Variants in TSHZ2 observed in about 807,000 individuals in gnomAD.
TSHZ2 encodes teashirt homolog 2.
In TSHZ2, 21 loss-of-function variants were observed where a neutral mutation model predicts 74.4. The ratio of observed to expected loss-of-function variants is 0.28; its 90% CI spans 0.20 to 0.41. The LOEUF (loss-of-function observed/expected upper bound fraction) is 0.41, where lower values mean the gene tolerates loss of function less well. Ranked by LOEUF, TSHZ2 falls within the 10% of genes least tolerant of loss-of-function variation. The pLI, the probability that TSHZ2 is intolerant of heterozygous loss-of-function variation, is 1.00. For synonymous variants in TSHZ2, 540 were observed against 515.3 expected (o/e 1.05, Z -0.65); for missense variants, 1,244 against 1,293.5 (o/e 0.96, Z 0.59).
At chr20:53,167,108 G>C (rs1988081728) in intron 1 of TSHZ2, among the ~76,000 whole-genome samples, 1 of 152,166 alleles carries the variant, frequency 6.6e-6, no homozygotes, top group Non-Finnish European at 1.5e-5. Flanking sequence ...CCTGGGGTGA[G>C]AATGAGTTGG....
intron 1 of TSHZ2, among the ~76,000 whole-genome samples, chr20:52,999,785 A>T (rs1982345841): frequency 6.6e-6 from 1 of 152,156 alleles, no homozygotes; most frequent in Admixed American, 6.5e-5. Flanking sequence ...GTGTGTTTTT[A>T]AAAAATCCTA....
In TSHZ2 at chr20:53,334,286, G is replaced by A. The variant is rs181900510; in HGVS notation, c.*8+77715G>A. Among the ~76,000 whole-genome samples the A allele has an allele frequency of 1.2e-3, 177 of 152,336 alleles. 1 individual carries two copies. Among genetic ancestry groups the A allele is most frequent in the African/African-American group, 4.2e-3 (176 of 41,578 alleles). On this transcript the variant is annotated intron_variant, in intron 2 of 2. Transcript: ENST00000371497. ...GGGTTAGGGGAGGTCAAGGGATACA[G>A]TGTTTCCCAGGATGGTTGGAGAGGG...
chr20:53,065,304 G>A (rs1202695970), intron 1 of TSHZ2, among the ~76,000 whole-genome samples: 1 of 152,158 alleles, frequency 6.6e-6, no homozygotes, highest in Non-Finnish European at 1.5e-5. Flanking sequence ...TGTATGCTCT[G>A]AGACTTTGGA....
chr20:53,214,874 TGAGAG>T (rs1237931101), intron 1 of TSHZ2, among the ~76,000 whole-genome samples: 1 of 152,066 alleles, frequency 6.6e-6, no homozygotes, highest in African/African-American at 2.4e-5. Context: ...CCCGTAAACC[TGAGAG>T]GAGAGTGTCA....
intron 2 of TSHZ2, among the ~76,000 whole-genome samples, chr20:53,274,007 G>T (rs117259369): frequency 0.018 from 2,755 of 152,272 alleles, 27 homozygotes; most frequent in Non-Finnish European, 0.028. Flanking sequence ...GTGGCCGGGC[G>T]CAGTGACTCA....
intron 1 of TSHZ2, among the ~76,000 whole-genome samples, chr20:53,026,666 A>G (rs956798829): frequency 6.6e-6 from 1 of 152,328 alleles, no homozygotes; most frequent in South Asian, 2.1e-4. Context: ...ACATCCACAC[A>G]TGGTATGCTG....
intron 2 of TSHZ2, among the ~76,000 whole-genome samples, chr20:53,436,545 ATTATTT>A (rs1478005795): frequency 9.8e-6 from 1 of 101,986 alleles, no homozygotes; most frequent in Non-Finnish European, 1.8e-5. Context: ...TATTATTATT[ATTATTT>A]TTTTTTTTTT....
chr20:53,052,711 G>A (rs1439537200), intron 1 of TSHZ2, among the ~76,000 whole-genome samples: 2 of 152,094 alleles, frequency 1.3e-5, no homozygotes, highest in Non-Finnish European at 2.9e-5. Context: ...GGACACATGG[G>A]TTACTTCCAC....
intron 1 of TSHZ2, among the ~76,000 whole-genome samples, chr20:53,009,616 A>C (rs888681341): frequency 8.5e-5 from 13 of 152,222 alleles, no homozygotes; most frequent in African/African-American, 3.1e-4. Context: ...AGTAGGGACT[A>C]CTGTAAAAAG....
intron 1 of TSHZ2, among the ~76,000 whole-genome samples, chr20:53,007,743 T>C (rs1982699411): frequency 1.3e-5 from 2 of 151,654 alleles, no homozygotes; most frequent in Non-Finnish European, 2.9e-5. Context: ...TATTCGTGTG[T>C]GTGTGTGTGT....
chr20:53,443,000 C>T (rs1984398024), intron 2 of TSHZ2, among the ~76,000 whole-genome samples: 1 of 152,184 alleles, frequency 6.6e-6, no homozygotes, highest in African/African-American at 2.4e-5. Flanking sequence ...ATAGCATGTC[C>T]TCGTTTCTAT....
chr20:52,981,590 G>T (rs1305134312), intron 1 of TSHZ2, among the ~76,000 whole-genome samples: 1 of 152,144 alleles, frequency 6.6e-6, no homozygotes, highest in Non-Finnish European at 1.5e-5. Context: ...AGAACAAGGG[G>T]TCCAGGGCTT....
Position 53,253,904 on chromosome 20 carries a change from A to G in TSHZ2, c.446A>G (p.Asn149Ser). Residue 149 changes from asparagine to serine, a missense_variant, in exon 2 of 3, where the codon AAT becomes AGT. This residue lies in a region of TSHZ2 where 470 missense variants were observed against 456.5 expected (regional missense o/e 1.03). Coordinates refer to ENST00000371497, the MANE Select transcript of TSHZ2 (RefSeq NM_173485.6). Reference sequence around the variant, plus strand: ...CTGGGCCTTGGCTTCAAGCTGTCCAATAGTGAGAGGAGGAACTGTGACACC... The same window carrying G: ...CTGGGCCTTGGCTTCAAGCTGTCCAGTAGTGAGAGGAGGAACTGTGACACC... ...SGLGLGFKLS[N>S]SERRNCDTRN... is the part of the protein sequence containing the mutation. 1 of 1,614,236 alleles carries G rather than the reference A, an allele frequency of 6.2e-7. No individual in the cohort carries two copies. The highest frequency in any genetic ancestry group is 8.5e-7 in the Non-Finnish European group (1 of 1,180,046).
chr20:53,215,953 A>G (rs2123625302), intron 1 of TSHZ2, among the ~76,000 whole-genome samples: 1 of 151,888 alleles, frequency 6.6e-6, no homozygotes, highest in South Asian at 2.1e-4. Context: ...TCTTTCTCCT[A>G]GGGTTGAGCT....
At chr20:53,045,174 C>T (rs1568733928) in intron 1 of TSHZ2, among the ~76,000 whole-genome samples, 1 of 152,170 alleles carries the variant, frequency 6.6e-6, no homozygotes, top group Admixed American at 6.5e-5. Context: ...ATGACTAGAG[C>T]AGCCACCATC....
At chr20:53,366,616 C>T (rs1981270199) in intron 2 of TSHZ2, among the ~76,000 whole-genome samples, 1 of 152,192 alleles carries the variant, frequency 6.6e-6, no homozygotes, top group Non-Finnish European at 1.5e-5. Context: ...CCTTGTAAGG[C>T]TGCTGTAGAC....
At chr20:53,298,823 C>G (rs868264871) in intron 2 of TSHZ2, among the ~76,000 whole-genome samples, 2 of 152,142 alleles carry the variant, frequency 1.3e-5, no homozygotes, top group African/African-American at 4.8e-5. Context: ...ATATTGCAGT[C>G]CTTAAAAGAG....
chr20:53,091,054 A>G (rs1352816009), intron 1 of TSHZ2, among the ~76,000 whole-genome samples: 2 of 152,234 alleles, frequency 1.3e-5, no homozygotes, highest in Non-Finnish European at 2.9e-5. Flanking sequence ...ACACAGTGGC[A>G]TTTTAAGTGG....
At chr20:53,421,669 C>G (rs1389849690) in intron 2 of TSHZ2, 1 of 133,684 alleles carries the variant, frequency 7.5e-6, no homozygotes, top group Non-Finnish European at 1.5e-5. Flanking sequence ...ATGAGTTTAT[C>G]TTATGTTTTT....
Sources: gnomAD v4.1 joint callset for allele counts (sites outside exome capture counted in the v4.1 genomes callset) on GRCh38, gnomAD v4.1.1 for gene constraint, gnomAD v4.1.1 regional missense constraint, MANE v1.5 for transcripts, NCBI Gene and HGNC (gene_info 2026-07-23, HGNC 2026-07-21) for gene names.